SLC33A1: variants seen among roughly 807,000 people sequenced by gnomAD.
The protein encoded by SLC33A1 is solute carrier family 33 member 1, also known as acetyl-coenzyme A transporter 1.
SLC33A1 carries 20 observed loss-of-function variants against 50.0 expected under a neutral mutation model. The ratio of observed to expected loss-of-function variants is 0.40; its 90% CI spans 0.28 to 0.58. The LOEUF is 0.58. Ranked by LOEUF, SLC33A1 falls within the 20% of genes least tolerant of loss-of-function variation. The pLI, the probability that SLC33A1 is intolerant of heterozygous loss-of-function variation, is 0.44. For missense variants in SLC33A1, 476 were observed against 657.0 expected, an observed-to-expected ratio of 0.72 and a Z score of 3.01; for synonymous variants, 265 against 251.8, an observed-to-expected ratio of 1.05 and a Z score of -0.50.
In SLC33A1 at chr3:155,821,586, C is replaced by T. The variant is rs895818080; in HGVS notation, c.*6624G>A. 1 of 152,260 alleles carries T rather than the reference C, an allele frequency of 6.6e-6. No individual in the cohort carries two copies. The highest frequency in any genetic ancestry group is 1.5e-5 in the Non-Finnish European group (1 of 68,256). 9.4% of individuals were successfully genotyped at this position (152,260 alleles called of 1,614,324 possible). A position where few individuals can be genotyped will look rare whatever the true frequency, so the allele number is the denominator to read the frequency against. ...GGTTCAAGCGATTCTCCTGCCTCAG[C>T]CTCCCGAGTAGATGGGATTACAGAC... On this transcript the variant is annotated 3_prime_UTR_variant, in exon 6 of 6. Coordinates refer to ENST00000643144, the MANE Select transcript of SLC33A1 (RefSeq NM_004733.4).
At chr3:155,839,398 A>AAAAAAAAAACT (rs1752837999) in intron 2 of SLC33A1, among the ~76,000 whole-genome samples, 1 of 146,910 alleles carries the variant, frequency 6.8e-6, no homozygotes, top group Non-Finnish European at 1.5e-5. Flanking sequence ...AAAAAAAAAA[A>AAAAAAAAAACT]GTCTACTGGA....
chr3:155,837,342 C>A (rs1047853154), intron 2 of SLC33A1, among the ~76,000 whole-genome samples: 1 of 126,956 alleles, frequency 7.9e-6, no homozygotes, highest in East Asian at 2.2e-4. Context: ...GGGGACAGAG[C>A]GAGACTCCGT....
intron 2 of SLC33A1, among the ~76,000 whole-genome samples, chr3:155,837,272 T>A (rs1577464352): frequency 6.9e-6 from 1 of 145,180 alleles, no homozygotes; most frequent in Non-Finnish European, 1.5e-5. Flanking sequence ...AGGAGAATGG[T>A]GTGAACCCAG....
At chr3:155,845,012 C>A (rs1015225791) in intron 1 of SLC33A1, 8 of 151,936 alleles carry the variant, frequency 5.3e-5, no homozygotes, top group African/African-American at 1.9e-4. Context: ...GTTTCACGTA[C>A]AATACTATTC....
At chr3:155,834,818 A>G (rs1274328373) in intron 2 of SLC33A1, among the ~76,000 whole-genome samples, 1 of 151,484 alleles carries the variant, frequency 6.6e-6, no homozygotes, top group East Asian at 1.9e-4. Flanking sequence ...TGTCTTATAT[A>G]CCTGAATAAC....
rs1321173090 is a variant in SLC33A1, at chr3:155,825,886, C to A, written c.*2324G>T. The A allele has an allele frequency of 6.6e-6, 1 of 152,158 alleles. No homozygotes were observed. The highest frequency in any genetic ancestry group is 2.4e-5 in the African/African-American group (1 of 41,440). The allele number at this position is 152,158 out of a possible 1,614,324, so 9.4% of individuals were successfully genotyped here. ...AACAGATCCTCAGATTTAGGCAGAT[C>A]ATTTTTAAATGCCATTAGTGATCAA... On this transcript the variant is annotated 3_prime_UTR_variant, in exon 6 of 6. Coordinates refer to ENST00000643144, the MANE Select transcript of SLC33A1 (RefSeq NM_004733.4).
intron 1 of SLC33A1, among the ~76,000 whole-genome samples, chr3:155,843,477 G>A (rs1753007977): frequency 6.6e-6 from 1 of 152,178 alleles, no homozygotes; most frequent in Non-Finnish European, 1.5e-5. Context: ...GAAGAGTACT[G>A]TCTGGGTTGT....
rs1473347476 is a variant in SLC33A1 at position 155,853,464 on chromosome 3, A to G, written c.534T>C (p.Ala178=). 9 of 1,614,138 alleles carry G rather than the reference A, an allele frequency of 5.6e-6. No homozygotes were observed. The highest frequency in any genetic ancestry group is 3.3e-5 in the South Asian group (3 of 91,088). The change falls in exon 1 of 6, where the codon GCT becomes GCC. Residue 178 remains alanine, a synonymous_variant. Transcript: ENST00000643144. ...CAAACAAAAAGAACGCCACAGTGAG[A>G]GCAATCACGTCGGGTGTTCTGTCAT... is the stretch of plus-strand genomic sequence containing the variant. The part of the protein sequence containing the change: ...NTDDRTPDVI[A]LTVAFFLFEF...
At position 155,827,821 on chromosome 3, in the gene SLC33A1, A is replaced by C. The variant is rs1377728576; in HGVS notation, c.*389T>G. The C allele has an allele frequency of 6.0e-6, 1 of 165,338 alleles. No homozygotes were observed. The highest frequency in any genetic ancestry group is 5.9e-5 in the Admixed American group (1 of 16,998). The allele number at this position is 165,338 out of a possible 1,614,324, so 10.2% of individuals were successfully genotyped here. On this transcript the variant is annotated 3_prime_UTR_variant, in exon 6 of 6. Transcript: ENST00000643144. The stretch of plus-strand genomic sequence containing the variant: ...TGAATATCAAGCTCTTCTCCATTTT[A>C]TATATTGTACCAAAATTTTAAATAC...
Position 155,829,872 on chromosome 3 carries a change from A to G in SLC33A1, c.1298T>C (p.Met433Thr), listed in dbSNP as rs147467519. ...VTVYSMYVSIMAFNAKVSDPL... is the reference protein window; with the variant it reads ...VTVYSMYVSITAFNAKVSDPL... ...ATCACTAACCTTTGCATTGAAAGCC[A>G]TTATAGAAACATACATGCTGTACAC... Residue 433 changes from methionine (M) to threonine (T), a missense_variant, in exon 5 of 6, where the codon ATG (methionine) becomes ACG (threonine). Physicochemically the swap from Met to Thr is moderately conservative, Grantham distance 81. Coordinates refer to ENST00000643144, the MANE Select transcript of SLC33A1 (RefSeq NM_004733.4). 5 of 1,613,318 alleles carry G rather than the reference A, an allele frequency of 3.1e-6. No homozygotes were observed. Among genetic ancestry groups the G allele is most frequent in the Middle Eastern group, 1.6e-4 (1 of 6,062 alleles).
chr3:155,850,630 T>C (rs1206805537), intron 1 of SLC33A1, among the ~76,000 whole-genome samples: 1 of 152,002 alleles, frequency 6.6e-6, no homozygotes, highest in African/African-American at 2.4e-5. Context: ...TCTTTTTTTT[T>C]TTTTGAGATG....
At chr3:155,844,433 A>G (rs1457055477) in intron 1 of SLC33A1, among the ~76,000 whole-genome samples, 144 of 13,752 alleles carry the variant, frequency 0.01, 1 homozygote, top group African/African-American at 0.037. Context: ...AGGTATATAT[A>G]TATATATATA....
At position 155,843,626 on chromosome 3, in the gene SLC33A1, C is replaced by T. The variant is rs774240696; in HGVS notation, c.776-1007G>A. On this transcript the variant is annotated intron_variant, in intron 1 of 5. Transcript: ENST00000643144. Reference sequence around the variant, plus strand: ...GGTATCATTTATTGAGTGCATACAACGTGACAAAAATATGCTAAGCATTTT... The same window carrying T: ...GGTATCATTTATTGAGTGCATACAATGTGACAAAAATATGCTAAGCATTTT... Among the ~76,000 whole-genome samples the T allele has an allele frequency of 1.2e-4, 18 of 152,170 alleles. No homozygotes were observed. In the South Asian group the frequency reaches 1.2e-3, roughly 11 times the overall value.
intron 1 of SLC33A1, among the ~76,000 whole-genome samples, chr3:155,844,488 A>G (rs1375462759): frequency 1.1e-4 from 5 of 47,614 alleles, no homozygotes; most frequent in African/African-American, 1.9e-4. Flanking sequence ...TTTTTTTTTG[A>G]GACGGAGTCT....
chr3:155,850,807 G>C (rs1303937002), intron 1 of SLC33A1, among the ~76,000 whole-genome samples: 1 of 151,296 alleles, frequency 6.6e-6, no homozygotes, highest in East Asian at 2.0e-4. Flanking sequence ...AATAGAGAAG[G>C]GGTTTTGCCA....
Position 155,824,530 on chromosome 3 carries a change from A to G in SLC33A1, c.*3680T>C, listed in dbSNP as rs1435944234. 1 of 152,016 alleles carries G rather than the reference A, an allele frequency of 6.6e-6. No individual in the cohort carries two copies. The highest frequency in any genetic ancestry group is 2.4e-5 in the African/African-American group (1 of 41,396). 9.4% of individuals were successfully genotyped at this position (152,016 alleles called of 1,614,324 possible). A position where few individuals can be genotyped will look rare whatever the true frequency, so the allele number is the denominator to read the frequency against. On this transcript the variant is annotated 3_prime_UTR_variant, in exon 6 of 6. Transcript: ENST00000643144. ...CTCTTCTACCATTAATGTCTTATCT[A>G]CTCTAATTCCTTCAAAGTTTCAAGT...
At chr3:155,849,795 C>T (rs749566333) in intron 1 of SLC33A1, among the ~76,000 whole-genome samples, 6 of 151,154 alleles carry the variant, frequency 4.0e-5, no homozygotes, top group Non-Finnish European at 8.8e-5. Context: ...ATAATCCCAG[C>T]TACTAGGGAG....
intron 1 of SLC33A1, among the ~76,000 whole-genome samples, chr3:155,847,851 T>C (rs908742085): frequency 1.3e-5 from 2 of 152,206 alleles, no homozygotes; most frequent in African/African-American, 2.4e-5. Context: ...ACTTATAGCA[T>C]CAACTTTTTC....
chr3:155,850,373 G>A (rs371443735), intron 1 of SLC33A1, among the ~76,000 whole-genome samples: 41 of 152,244 alleles, frequency 2.7e-4, no homozygotes, highest in African/African-American at 8.7e-4. Context: ...TCACCACAGA[G>A]GATTAAGGAG....
Sources: allele counts gnomAD v4.1 joint callset (sites outside exome capture counted in the v4.1 genomes callset), GRCh38; gene constraint gnomAD v4.1.1; transcripts MANE v1.5; gene names NCBI Gene and HGNC (gene_info 2026-07-23, HGNC 2026-07-21).